YPEL1: variants seen among roughly 807,000 people sequenced by gnomAD.
YPEL1 encodes protein yippee-like 1.
In YPEL1, 7 loss-of-function variants were observed where a neutral mutation model predicts 17.3. The observed-to-expected ratio is 0.40, with a 90% CI of 0.23 to 0.76. YPEL1 has a LOEUF of 0.76. Ranked by LOEUF, YPEL1 falls within the 30% of genes least tolerant of loss-of-function variation. The pLI is 0.35. For missense variants in YPEL1, 91 were observed against 155.5 expected, an observed-to-expected ratio of 0.59 and a Z score of 2.21; for synonymous variants, 59 against 59.6, an observed-to-expected ratio of 0.99 and a Z score of 0.05.
chr22:21,733,424 TAAAC>T (rs1445704545), intron 1 of YPEL1, among the ~76,000 whole-genome samples: 1 of 146,116 alleles, frequency 6.8e-6, no homozygotes, highest in African/African-American at 2.6e-5. Context: ...TCTCAAAAAA[TAAAC>T]AAATAAAGTA....
Position 21,703,757 on chromosome 22 carries a change from T to C in YPEL1, c.161+82A>G. 6.8e-7 allele frequency: 1 copy of C among 1,463,550 alleles called. No homozygotes were observed. Among genetic ancestry groups the C allele is most frequent in the Non-Finnish European group, 9.3e-7 (1 of 1,072,058 alleles). 90.7% of individuals were successfully genotyped at this position (1,463,550 alleles called of 1,614,324 possible). A position where few individuals can be genotyped will look rare whatever the true frequency, so the allele number is the denominator to read the frequency against. On this transcript the variant is annotated intron_variant, in intron 3 of 4. Coordinates refer to ENST00000339468, the MANE Select transcript of YPEL1 (RefSeq NM_013313.5). This position sits in a 1 kb window ranked among gnomAD's most constrained non-coding sequence, Gnocchi z 6.1. ...CAGGACCCCTAAAGACCCAGGTGAT[T>C]CTACACAGGGCACTGTGTAGGTGCC... is the stretch of plus-strand genomic sequence containing the variant.
Position 21,717,219 on chromosome 22 carries a change from T to C in YPEL1, c.-164-6311A>G, listed in dbSNP as rs571585459. On this transcript the variant is annotated intron_variant, in intron 1 of 4. Coordinates refer to ENST00000339468, the MANE Select transcript of YPEL1 (RefSeq NM_013313.5). ...GGTGAAACCCCGTCTCTACTAAAAATACAAAAATTAGCCGGGCGTGGTGGT... is the reference window on the plus strand; with the variant it reads ...GGTGAAACCCCGTCTCTACTAAAAACACAAAAATTAGCCGGGCGTGGTGGT... Among the ~76,000 whole-genome samples, 190 of 151,700 alleles carry C rather than the reference T, an allele frequency of 1.3e-3. 1 individual carries two copies. Among genetic ancestry groups the C allele is most frequent in the African/African-American group, 4.5e-3 (185 of 41,376 alleles).
chr22:21,735,270 G>A (rs2068425066), intron 1 of YPEL1, among the ~76,000 whole-genome samples: 1 of 152,072 alleles, frequency 6.6e-6, no homozygotes, highest in African/African-American at 2.4e-5. Flanking sequence ...GCCCAGTTGA[G>A]GCTGTATTTT....
chr22:21,720,425 G>A (rs535150732), intron 1 of YPEL1, among the ~76,000 whole-genome samples: 69 of 151,600 alleles, frequency 4.6e-4, no homozygotes, highest in African/African-American at 1.4e-3. Flanking sequence ...GGTCTCAAAC[G>A]CCTGGGTTCA....
At chr22:21,731,765 C>T (rs902831020) in intron 1 of YPEL1, among the ~76,000 whole-genome samples, 5 of 152,162 alleles carry the variant, frequency 3.3e-5, no homozygotes, top group African/African-American at 1.2e-4. Context: ...AAATGTGCCA[C>T]GTGTTTGTTG....
chr22:21,721,301 G>C (rs2068280260), intron 1 of YPEL1, among the ~76,000 whole-genome samples: 1 of 151,192 alleles, frequency 6.6e-6, no homozygotes, highest in Admixed American at 6.6e-5. Flanking sequence ...TGTATTTTTA[G>C]TAGAGATGAG....
intron 1 of YPEL1, among the ~76,000 whole-genome samples, chr22:21,724,817 C>T (rs1036199158): frequency 6.6e-6 from 1 of 151,986 alleles, no homozygotes; most frequent in Non-Finnish European, 1.5e-5. Context: ...CTGGCTCGGG[C>T]CATCCACCCA....
intron 2 of YPEL1, among the ~76,000 whole-genome samples, chr22:21,706,843 CTA>C (rs1569059203): frequency 6.6e-6 from 1 of 151,132 alleles, no homozygotes; most frequent in Admixed American, 6.6e-5. Flanking sequence ...GAAGCCCTGT[CTA>C]AAAATAAATA....
chr22:21,714,134 C>T (rs889028313), intron 1 of YPEL1, among the ~76,000 whole-genome samples: 1 of 152,160 alleles, frequency 6.6e-6, no homozygotes, highest in African/African-American at 2.4e-5. Context: ...CTGCCCCCCA[C>T]CTGCGCAGGC....
intron 1 of YPEL1, among the ~76,000 whole-genome samples, chr22:21,711,503 A>G (rs2068166001): frequency 6.6e-6 from 1 of 152,170 alleles, no homozygotes; most frequent in African/African-American, 2.4e-5. Context: ...GCACCAGGAC[A>G]TTGAGGAATG....
intron 4 of YPEL1, among the ~76,000 whole-genome samples, chr22:21,701,834 A>G (rs2068069568): frequency 6.6e-6 from 1 of 152,094 alleles, no homozygotes; most frequent in Admixed American, 6.6e-5. Flanking sequence ...CCAAGGAAGG[A>G]GGATGACTTG....
At chr22:21,726,147 A>T (rs968108109) in intron 1 of YPEL1, among the ~76,000 whole-genome samples, 1 of 152,156 alleles carries the variant, frequency 6.6e-6, no homozygotes, top group Non-Finnish European at 1.5e-5. Context: ...CCAGACCCAC[A>T]TGTCCCCAGG....
intron 2 of YPEL1, among the ~76,000 whole-genome samples, chr22:21,708,786 C>T (rs537912309): frequency 1.3e-5 from 2 of 151,876 alleles, no homozygotes; most frequent in African/African-American, 4.8e-5. Context: ...CCTGCCTCAG[C>T]CTCCCAAGTA....
chr22:21,710,143 A>T (rs2068151215), intron 2 of YPEL1, among the ~76,000 whole-genome samples: 1 of 152,140 alleles, frequency 6.6e-6, no homozygotes, highest in African/African-American at 2.4e-5. Flanking sequence ...CATGGGTTCT[A>T]TGCACAGAGA....
At chr22:21,719,134 G>C (rs888937606) in intron 1 of YPEL1, among the ~76,000 whole-genome samples, 20 of 152,158 alleles carry the variant, frequency 1.3e-4, no homozygotes, top group African/African-American at 3.6e-4. Context: ...GCCCTGGGGA[G>C]GTCATGGGGA....
chr22:21,704,211 G>A (rs2068095033), intron 2 of YPEL1: 1 of 716,374 alleles, frequency 1.4e-6, no homozygotes, highest in South Asian at 1.5e-5. Flanking sequence ...AGTTCTGAGA[G>A]GGGATCACGA....
rs1410169376 is a variant in YPEL1 at position 21,701,156 on chromosome 22, A to G, written c.333T>C (p.His111=). 1 of 1,613,974 alleles carries G rather than the reference A, an allele frequency of 6.2e-7. No individual in the cohort carries two copies. Among genetic ancestry groups the G allele is most frequent in the Admixed American group, 1.7e-5 (1 of 60,026 alleles). ...KEGKFIIELA[H]MIKDNGWE ...ACTCCCAGCCATTGTCTTTGATCAT[A>G]TGAGCAAGCTCAATGATGAATTTTC... Residue 111 remains histidine (H), a synonymous_variant, in exon 5 of 5, where the codon CAT becomes CAC. Transcript: ENST00000339468.
At chr22:21,727,327 T>A (rs2068345083) in intron 1 of YPEL1, among the ~76,000 whole-genome samples, 1 of 152,240 alleles carries the variant, frequency 6.6e-6, no homozygotes, top group South Asian at 2.1e-4. Context: ...GGGGAACCCA[T>A]GGCCAAGTTT....
intron 1 of YPEL1, among the ~76,000 whole-genome samples, chr22:21,727,278 T>TTTTAACTTG (rs1369671279): frequency 6.6e-6 from 1 of 152,200 alleles, no homozygotes; most frequent in African/African-American, 2.4e-5. Context: ...TCATGTTAAG[T>TTTTAACTTG]TTTAACTTGG....
Sources: allele counts gnomAD v4.1 joint callset (sites outside exome capture counted in the v4.1 genomes callset), GRCh38; gene constraint gnomAD v4.1.1; non-coding constraint Gnocchi (gnomAD v3.1); transcripts MANE v1.5; gene names NCBI Gene and HGNC (gene_info 2026-07-23, HGNC 2026-07-21).